DIP2B: variants seen among roughly 807,000 people sequenced by gnomAD.
The protein encoded by DIP2B is disco-interacting protein 2 homolog B.
DIP2B carries 76 observed loss-of-function variants against 198.0 expected under a neutral mutation model. The ratio of observed to expected loss-of-function variants is 0.38; its 90% CI spans 0.32 to 0.46. The LOEUF (loss-of-function observed/expected upper bound fraction) is 0.46. Ranked by LOEUF, DIP2B falls within the 20% of genes least tolerant of loss-of-function variation. The probability of loss-of-function intolerance (pLI) is 0.99; values close to 1 mark genes in which losing one functional copy is unlikely to be tolerated. For missense variants in DIP2B, 1,559 were observed against 1,978.4 expected, an observed-to-expected ratio of 0.79 and a Z score of 4.02; for synonymous variants, 701 against 739.1, an observed-to-expected ratio of 0.95 and a Z score of 0.84.
intron 1 of DIP2B, among the ~76,000 whole-genome samples, chr12:50,591,632 T>A (rs994078239): frequency 1.3e-5 from 2 of 151,638 alleles, no homozygotes; most frequent in Non-Finnish European, 2.9e-5. Context: ...TTCTTTCTTT[T>A]TTTTTTTAAT....
At chr12:50,531,431 T>C (rs947607307) in intron 1 of DIP2B, among the ~76,000 whole-genome samples, 1 of 151,824 alleles carries the variant, frequency 6.6e-6, no homozygotes, top group Non-Finnish European at 1.5e-5. Flanking sequence ...AAAAAGAACC[T>C]GGAAAAGAGG....
chr12:50,574,543 C>T (rs977129130), intron 1 of DIP2B, among the ~76,000 whole-genome samples: 1 of 150,586 alleles, frequency 6.6e-6, no homozygotes, highest in East Asian at 2.0e-4. Flanking sequence ...ACAGCTTATG[C>T]GTATGAGGAA....
chr12:50,700,609 G>T (rs1939400892), intron 19 of DIP2B, among the ~76,000 whole-genome samples: 1 of 152,174 alleles, frequency 6.6e-6, no homozygotes, highest in African/African-American at 2.4e-5. Context: ...CCTGAAAAGG[G>T]CTAAGAGCTC....
Position 50,602,857 on chromosome 12 carries a change from CAAAAAAA to C in DIP2B, c.101-23102_101-23096del, listed in dbSNP as rs71086464. ...CTGGCAACAGAGTGAGACTCTGTCT[CAAAAAAA>C]AAAAAAAAAAAAAAAATTGGCGGGG... On this transcript the variant is annotated intron_variant, in intron 1 of 37. Transcript: ENST00000301180. Among the ~76,000 whole-genome samples, 5 of 91,496 alleles carry C rather than the reference CAAAAAAA, an allele frequency of 5.5e-5. No individual in the cohort carries two copies. In the South Asian group the frequency reaches 1.3e-3, roughly 24 times the overall value. The allele number at this position is 91,496 out of a possible 152,430, so 60.0% of individuals were successfully genotyped here.
At chr12:50,582,958 G>A (rs1288525668) in intron 1 of DIP2B, among the ~76,000 whole-genome samples, 1 of 151,918 alleles carries the variant, frequency 6.6e-6, no homozygotes, top group African/African-American at 2.4e-5. Context: ...TGTCAGGGGG[G>A]CATTTACCTA....
chr12:50,615,641 T>C (rs1450409978), intron 1 of DIP2B, among the ~76,000 whole-genome samples: 1 of 152,092 alleles, frequency 6.6e-6, no homozygotes, highest in African/African-American at 2.4e-5. Context: ...AAGGGTGGGG[T>C]TGGGGCTGGG....
chr12:50,708,032 G>A (rs1175675939), intron 21 of DIP2B, among the ~76,000 whole-genome samples: 2 of 151,566 alleles, frequency 1.3e-5, no homozygotes, highest in African/African-American at 2.4e-5. Flanking sequence ...CGTGGCTCGC[G>A]TCCTCACCTC....
chr12:50,736,944 C>T (rs368860217), intron 34 of DIP2B, 92 bp from the exon 35 acceptor site: 1 of 1,276,224 alleles, frequency 7.8e-7, no homozygotes, highest in Admixed American at 1.8e-5. Flanking sequence ...GTGTGCCTCT[C>T]TCACCTCTCC....
At chr12:50,581,888 T>TA (rs1958727451) in intron 1 of DIP2B, among the ~76,000 whole-genome samples, 1 of 152,130 alleles carries the variant, frequency 6.6e-6, no homozygotes, top group African/African-American at 2.4e-5. Flanking sequence ...ATAAATATCT[T>TA]TTACTTTTTT....
chr12:50,641,255 G>A (rs1030992960), intron 3 of DIP2B, among the ~76,000 whole-genome samples: 22 of 152,166 alleles, frequency 1.4e-4, no homozygotes, highest in African/African-American at 5.3e-4. Context: ...TACTCAGGAG[G>A]CTGAGACAGG....
chr12:50,653,346 C>CTTTTTTTTTTTTTTTTTTT (rs34185073), intron 3 of DIP2B, among the ~76,000 whole-genome samples: 12 of 76,620 alleles, frequency 1.6e-4, no homozygotes, highest in Non-Finnish European at 2.2e-4. Context: ...TTTTTCTTTT[C>CTTTTTTTTTTTTTTTTTTT]TTTTTTTTTT....
intron 25 of DIP2B, 100 bp from the exon 26 acceptor site, chr12:50,721,173 A>G (rs1939829468): frequency 6.7e-7 from 1 of 1,490,194 alleles, no homozygotes; most frequent in South Asian, 1.4e-5. Flanking sequence ...ATAATCTACA[A>G]AAGCACAAGC....
intron 28 of DIP2B, among the ~76,000 whole-genome samples, chr12:50,726,015 A>G (rs1257842010): frequency 6.6e-6 from 1 of 152,294 alleles, no homozygotes; most frequent in East Asian, 1.9e-4. Flanking sequence ...GTTGGTGTTA[A>G]TGATGCTGGT....
chr12:50,588,894 ATTTG>A (rs750902952), intron 1 of DIP2B, among the ~76,000 whole-genome samples: 3 of 152,108 alleles, frequency 2.0e-5, no homozygotes, highest in Non-Finnish European at 2.9e-5. Context: ...TTAAATTAAA[ATTTG>A]TTTGTGCTGG....
At chr12:50,664,452 T>C in intron 4 of DIP2B, among the ~76,000 whole-genome samples, 1 of 152,230 alleles carries the variant, frequency 6.6e-6, no homozygotes, top group East Asian at 1.9e-4. Context: ...CAGAGTCTTT[T>C]AGACTGCTTG....
At chr12:50,511,946 CAAAAAA>C (rs1294473966) in intron 1 of DIP2B, among the ~76,000 whole-genome samples, 13 of 26,538 alleles carry the variant, frequency 4.9e-4, no homozygotes, top group Non-Finnish European at 8.5e-4. Context: ...GACTCCGTCT[CAAAAAA>C]AAAAAAAAAA....
intron 9 of DIP2B, 99 bp downstream of exon 9, chr12:50,680,862 T>G (rs1219337482): frequency 2.7e-6 from 3 of 1,104,678 alleles, no homozygotes; most frequent in Non-Finnish European, 4.0e-6. Flanking sequence ...ACAGGAAAAT[T>G]TATGTAACTC....
At chr12:50,579,008 A>G (rs892635006) in intron 1 of DIP2B, among the ~76,000 whole-genome samples, 1 of 152,210 alleles carries the variant, frequency 6.6e-6, no homozygotes, top group Admixed American at 6.5e-5. Context: ...AACCTAGTCC[A>G]TGCACTCACG....
intron 1 of DIP2B, among the ~76,000 whole-genome samples, chr12:50,560,481 T>A (rs946228192): frequency 5.3e-5 from 8 of 151,916 alleles, no homozygotes; most frequent in Non-Finnish European, 8.8e-5. Context: ...GGCAGGAGAA[T>A]CACTTGAACC....
Sources: allele counts gnomAD v4.1 joint callset (sites outside exome capture counted in the v4.1 genomes callset), GRCh38; gene constraint gnomAD v4.1.1; transcripts MANE v1.5; gene names NCBI Gene and HGNC (gene_info 2026-07-23, HGNC 2026-07-21).